USP9Y: variants seen among roughly 807,000 people sequenced by gnomAD.
USP9Y encodes the protein ubiquitin specific peptidase 9 Y-linked.
USP9Y carries 41 observed loss-of-function variants against 53.1 expected under a neutral mutation model. The observed-to-expected ratio is 0.77, with a 90% CI of 0.60 to 1.00. The LOEUF (loss-of-function observed/expected upper bound fraction) is 1.00, where lower values mean the gene tolerates loss of function less well. USP9Y is among the 50% of genes least tolerant of loss of function. The pLI, the probability that USP9Y is intolerant of heterozygous loss-of-function variation, is 0.00. For synonymous variants in USP9Y, 220 were observed against 173.7 expected, an observed-to-expected ratio of 1.27 and a Z score of -2.09; for missense variants, 567 against 535.8, an observed-to-expected ratio of 1.06 and a Z score of -0.58.
intron 33 of USP9Y, among the ~76,000 whole-genome samples, chrY:12,826,093 C>G: frequency 9.6e-5 from 3 of 31,142 alleles, no homozygotes; most frequent in African/African-American, 3.8e-4. Flanking sequence ...TCTGCCACCA[C>G]GCCCAGCTAA....
chrY:12,751,005 A>T (rs1603197631), intron 12 of USP9Y, among the ~76,000 whole-genome samples: 15 of 26,910 alleles, frequency 5.6e-4, no homozygotes, highest in African/African-American at 2.0e-3. Context: ...TTTTTTATTT[A>T]TTTTTTTTTT....
chrY:12,808,109 T>C, intron 27 of USP9Y, among the ~76,000 whole-genome samples: 1 of 34,369 alleles, frequency 2.9e-5, no homozygotes, highest in Non-Finnish European at 7.3e-5. Context: ...TTCTTTAGTA[T>C]ATTTAACTGC....
rs2053556662 is a variant in USP9Y, at chrY:12,837,991, A to G, written c.5276A>G (p.Tyr1759Cys). The change falls in exon 35 of 46, where the codon TAT becomes TGT. Residue 1759 changes from tyrosine (Y) to cysteine (C), a missense_variant. Tyr to Cys is a radical substitution (Grantham distance 194). Coordinates refer to ENST00000338981, the MANE Select transcript of USP9Y (RefSeq NM_004654.4). The stretch of plus-strand genomic sequence containing the variant: ...AATCTTCTTGACTCTTTGGAACAGT[A>G]TATCAAAGGAGATTTATTGGAAGGT... ...HQNLLDSLEQ[Y>C]IKGDLLEGAN... 1 of 371,452 alleles carries G rather than the reference A, an allele frequency of 2.7e-6. No individual in the cohort carries two copies. Among genetic ancestry groups the G allele is most frequent in the Admixed American group, 7.7e-5 (1 of 13,028 alleles). 92.7% of individuals were successfully genotyped at this position (371,452 alleles called of 400,897 possible). A position where few individuals can be genotyped will look rare whatever the true frequency, so the allele number is the denominator to read the frequency against.
chrY:12,852,074 G>A, intron 42 of USP9Y, among the ~76,000 whole-genome samples: 1 of 32,923 alleles, frequency 3.0e-5, no homozygotes, highest in African/African-American at 1.2e-4. Context: ...GGACTTGCTC[G>A]GTTGGCAAAG....
rs2053506866 is a variant in USP9Y at position 12,790,547 on chromosome Y, TAGAC to T, written c.3687+18_3687+21del. ...TATCTAATGAGGTTAGTATGAAAGTTAGACAGTTCTGGGATCTTGAATGATCTCT... is the reference window on the plus strand; with the variant it reads ...TATCTAATGAGGTTAGTATGAAAGTTAGTTCTGGGATCTTGAATGATCTCT... On this transcript the variant is annotated intron_variant, in intron 25 of 45. Transcript: ENST00000338981. 1 of 388,387 alleles carries T rather than the reference TAGAC, an allele frequency of 2.6e-6. No individual in the cohort carries two copies. The highest frequency in any genetic ancestry group is 3.6e-6 in the Non-Finnish European group (1 of 276,119).
intron 31 of USP9Y, among the ~76,000 whole-genome samples, chrY:12,815,723 C>T (rs778967310): frequency 1.3e-3 from 42 of 33,418 alleles, no homozygotes; most frequent in South Asian, 8.0e-3. Context: ...ATGACAGGCA[C>T]ATGCCACCGT....
intron 1 of USP9Y, among the ~76,000 whole-genome samples, chrY:12,704,040 T>C: frequency 3.0e-5 from 1 of 33,206 alleles, no homozygotes; most frequent in African/African-American, 1.2e-4. Context: ...AGACACAGAG[T>C]GCTGAATAGT....
intron 22 of USP9Y, among the ~76,000 whole-genome samples, chrY:12,784,512 G>GTGTTGT (rs2053500117): frequency 3.6e-4 from 12 of 33,509 alleles, no homozygotes; most frequent in Non-Finnish European, 6.7e-4. Context: ...TTATAGAAAT[G>GTGTTGT]TGTTGTTATA....
chrY:12,774,634 G>T (rs2053490728), intron 17 of USP9Y, among the ~76,000 whole-genome samples: 1 of 32,547 alleles, frequency 3.1e-5, no homozygotes. Flanking sequence ...CTATTACTAG[G>T]ATATCATTAT....
In USP9Y at chrY:12,821,631, C is replaced by CT. The variant is rs373006912; in HGVS notation, c.5021+3037dup. On this transcript the variant is annotated intron_variant, in intron 33 of 45. Transcript: ENST00000338981. ...AAGCCCCTGTAGAATTTTACATTTT[C>CT]TTTTTTTTTTTTTTTTCCTTGAGAA... Among the ~76,000 whole-genome samples the CT allele has an allele frequency of 0.011, 265 of 24,248 alleles. No homozygotes were observed. The Middle Eastern group carries it at 0.12, about 11-fold the overall frequency. 65.1% of individuals were successfully genotyped at this position (24,248 alleles called of 37,273 possible). A position where few individuals can be genotyped will look rare whatever the true frequency, so the allele number is the denominator to read the frequency against.
At chrY:12,772,745 A>T in intron 16 of USP9Y, among the ~76,000 whole-genome samples, 1 of 21,094 alleles carries the variant, frequency 4.7e-5, no homozygotes, top group East Asian at 1.3e-3. Flanking sequence ...AGACTGGCCA[A>T]CAGAGTGAGA....
At position 12,842,461 on chromosome Y, in the gene USP9Y, G is replaced by C; in HGVS notation, c.6434G>C (p.Ser2145Thr). 2.6e-6 allele frequency: 1 copy of C among 378,530 alleles called. No homozygotes were observed. The highest frequency in any genetic ancestry group is 6.6e-5 in the African/African-American group (1 of 15,218). 94.4% of individuals were successfully genotyped at this position (378,530 alleles called of 400,897 possible). The change falls in exon 38 of 46, where the codon AGT becomes ACT. Residue 2145 changes from serine to threonine, a missense_variant. Transcript: ENST00000338981. ...CCTTTTGCATCTCCAGGACCTTCTA[G>C]TCAGGTAATTGCATGGCTTTTTTTT... ...PSPFASPGPS[S>T]QACDNLSLSD...
chrY:12,829,140 T>C (rs577136638), intron 33 of USP9Y, among the ~76,000 whole-genome samples: 11 of 33,541 alleles, frequency 3.3e-4, no homozygotes, highest in African/African-American at 8.0e-4. Context: ...TACCAATTAT[T>C]AGCATGAAAG....
rs1446534618 is a variant in USP9Y at position 12,775,544 on chromosome Y, G to A, written c.2405G>A (p.Gly802Asp). 7.7e-6 allele frequency: 3 copies of A among 392,123 alleles called. No individual in the cohort carries two copies. The part of the protein sequence containing the change: ...DLLKEIYTNL[G>D]PRLKANQVVI... ...CTTAAAGAGATATACACAAACCTTG[G>A]CCCAAGATTAAAAGCCAATCAGGTG... is the stretch of plus-strand genomic sequence containing the variant. The change falls in exon 18 of 46, where the codon GGC (glycine) becomes GAC (aspartate). Residue 802 changes from glycine (G) to aspartate (D), a missense_variant. Coordinates refer to ENST00000338981, the MANE Select transcript of USP9Y (RefSeq NM_004654.4).
Position 12,812,973 on chromosome Y carries a change from A to T in USP9Y, c.4530A>T (p.Leu1510Phe). ...INAGFELLVALAIGCVRNLKQ... is the reference protein window; with the variant it reads ...INAGFELLVAFAIGCVRNLKQ... Reference sequence around the variant, plus strand: ...CCGGTTTTGAGCTACTTGTAGCATTAGCTATTGGCTGTGTGAGGAATCTCA... The same window carrying T: ...CCGGTTTTGAGCTACTTGTAGCATTTGCTATTGGCTGTGTGAGGAATCTCA... Residue 1510 changes from leucine (L) to phenylalanine (F), a missense_variant, in exon 31 of 46, where the codon TTA (leucine) becomes TTT (phenylalanine). Physicochemically the swap from Leu to Phe is conservative, Grantham distance 22. Coordinates refer to ENST00000338981, the MANE Select transcript of USP9Y (RefSeq NM_004654.4). 7.5e-6 allele frequency: 3 copies of T among 398,892 alleles called. No homozygotes were observed. Among genetic ancestry groups the T allele is most frequent in the Non-Finnish European group, 1.1e-5 (3 of 283,513 alleles).
At chrY:12,751,152 T>G in intron 12 of USP9Y, among the ~76,000 whole-genome samples, 1 of 31,590 alleles carries the variant, frequency 3.2e-5, no homozygotes, top group Non-Finnish European at 7.7e-5. Flanking sequence ...GGACTACAGG[T>G]GCCTGCAACC....
chrY:12,833,578 A>G, intron 33 of USP9Y, 110 bp from the exon 34 acceptor site: 1 of 245,377 alleles, frequency 4.1e-6, no homozygotes, highest in Admixed American at 8.3e-5. Context: ...TCTCCTTTCT[A>G]TGTGGCTTAA....
chrY:12,842,644 G>C (rs886154075), intron 38 of USP9Y, among the ~76,000 whole-genome samples, 179 bp downstream of exon 38: 1 of 33,015 alleles, frequency 3.0e-5, no homozygotes, highest in Non-Finnish European at 7.4e-5. Context: ...AATAGTGATT[G>C]CTGGGCATTC....
chrY:12,757,147 G>A (rs773857142), intron 12 of USP9Y, 45 bp from the exon 13 acceptor site: 6 of 375,602 alleles, frequency 1.6e-5, no homozygotes, highest in East Asian at 9.4e-5. Flanking sequence ...GTAAACAAAC[G>A]TAATAAATTA....
Sources: allele counts gnomAD v4.1 joint callset (sites outside exome capture counted in the v4.1 genomes callset), GRCh38; gene constraint gnomAD v4.1.1; transcripts MANE v1.5; gene names NCBI Gene and HGNC (gene_info 2026-07-23, HGNC 2026-07-21).